Variants in EVC2 observed in about 807,000 individuals in gnomAD.
EVC2 encodes the protein limbin.
EVC2 carries 148 observed loss-of-function variants against 149.3 expected under a neutral mutation model. That is an observed-to-expected ratio of 0.99 (90% CI 0.87 to 1.14). The LOEUF (loss-of-function observed/expected upper bound fraction) is 1.14, where lower values mean the gene tolerates loss of function less well. Ranked by LOEUF, EVC2 falls within the 50% of genes most tolerant of loss-of-function variation. EVC2 has a pLI of 0.00. For missense variants in EVC2, 1,854 were observed against 1,627.3 expected (o/e 1.14, Z -2.40); for synonymous variants, 776 against 649.9 (o/e 1.19, Z -2.95).
intron 7 of EVC2, among the ~76,000 whole-genome samples, chr4:5,672,722 G>A (rs1240655753): frequency 2.6e-5 from 4 of 152,146 alleles, no homozygotes; most frequent in Non-Finnish European, 4.4e-5. Flanking sequence ...ATCTGTACTC[G>A]AATGCTCACA....
Position 5,574,708 on chromosome 4 carries a change from T to G in EVC2, c.3337A>C (p.Thr1113Pro). 1 of 1,614,170 alleles carries G rather than the reference T, an allele frequency of 6.2e-7. No individual in the cohort carries two copies. Among genetic ancestry groups the G allele is most frequent in the Non-Finnish European group, 8.5e-7 (1 of 1,180,026 alleles). ...EDLLENMEADTFATLCSQELR... is the reference protein window; with the variant it reads ...EDLLENMEADPFATLCSQELR... ...ACCTGGCTGCACAGGGTTGCAAAGGTGTCTGCCTCCATGTTTTCCAACAAG... is the reference window on the plus strand; with the variant it reads ...ACCTGGCTGCACAGGGTTGCAAAGGGGTCTGCCTCCATGTTTTCCAACAAG... The change falls in exon 19 of 22, where the codon ACC becomes CCC. Residue 1113 changes from threonine (T) to proline (P), a missense_variant. Physicochemically the swap from Thr to Pro is conservative, Grantham distance 38. Coordinates refer to ENST00000344408, the MANE Select transcript of EVC2 (RefSeq NM_147127.5).
At chr4:5,595,904 G>A (rs978660408) in intron 16 of EVC2, among the ~76,000 whole-genome samples, 12 of 152,100 alleles carry the variant, frequency 7.9e-5, no homozygotes, top group Non-Finnish European at 1.3e-4. Context: ...ACAAAAAAAG[G>A]CAGGGGTTGC....
At chr4:5,590,911 A>C (rs1460451451) in intron 16 of EVC2, among the ~76,000 whole-genome samples, 1 of 152,232 alleles carries the variant, frequency 6.6e-6, no homozygotes, top group Non-Finnish European at 1.5e-5. Flanking sequence ...ACATGGCAGC[A>C]GCAAGAAGTG....
rs1471756731 is a variant in EVC2 at position 5,613,947 on chromosome 4, G to C, written c.2829+1475C>G. Among the ~76,000 whole-genome samples the C allele has an allele frequency of 1.3e-5, 2 of 152,102 alleles. No individual in the cohort carries two copies. Among genetic ancestry groups the C allele is most frequent in the Admixed American group, 1.3e-4 (2 of 15,266 alleles). Reference sequence around the variant, plus strand: ...GCGAGATCGTGCATTCGTGTTCTGAGAAATACACCGGCACTAAAATAAAAA... The same window carrying C: ...GCGAGATCGTGCATTCGTGTTCTGACAAATACACCGGCACTAAAATAAAAA... On this transcript the variant is annotated intron_variant, in intron 16 of 21. Coordinates refer to ENST00000344408, the MANE Select transcript of EVC2 (RefSeq NM_147127.5). This position sits in a 1 kb window ranked among gnomAD's most constrained non-coding sequence, Gnocchi z 4.6.
chr4:5,620,320 T>G (rs1401383279), intron 14 of EVC2, among the ~76,000 whole-genome samples: 3 of 152,204 alleles, frequency 2.0e-5, no homozygotes, highest in African/African-American at 7.2e-5. Context: ...ACATCGGCCC[T>G]GAGCACTCTT....
chr4:5,665,341 G>A (rs1219079304), intron 8 of EVC2, among the ~76,000 whole-genome samples, 174 bp downstream of exon 8: 2 of 152,044 alleles, frequency 1.3e-5, no homozygotes, highest in Non-Finnish European at 1.5e-5. Flanking sequence ...AAAGAATGAT[G>A]GGGATGCATC....
chr4:5,694,671 G>T (rs1434735945), intron 2 of EVC2, among the ~76,000 whole-genome samples, 170 bp from the exon 3 acceptor site: 2 of 152,208 alleles, frequency 1.3e-5, no homozygotes, highest in African/African-American at 4.8e-5. Flanking sequence ...AGGAAAATGA[G>T]ACATGCTCAC....
At chr4:5,543,091 G>A in exon 22 of EVC2, 1 of 1,257,474 alleles carries the variant, frequency 8.0e-7, no homozygotes, top group Non-Finnish European at 1.0e-6. Flanking sequence ...TCAGTCCGAG[G>A]TAACTCATCT....
chr4:5,689,685 T>G (rs1036366416), intron 4 of EVC2, among the ~76,000 whole-genome samples: 1 of 152,170 alleles, frequency 6.6e-6, no homozygotes, highest in Non-Finnish European at 1.5e-5. Flanking sequence ...AAGCAAACAA[T>G]GGCTCCTTGG....
intron 9 of EVC2, among the ~76,000 whole-genome samples, chr4:5,646,480 G>C (rs747908302): frequency 2.6e-5 from 4 of 151,938 alleles, no homozygotes; most frequent in East Asian, 1.9e-4. Flanking sequence ...ATTTCATTAG[G>C]GGTTTCAAAA....
chr4:5,689,404 G>C, intron 4 of EVC2, 61 bp from the exon 5 acceptor site: 1 of 1,569,884 alleles, frequency 6.4e-7, no homozygotes, highest in Non-Finnish European at 8.7e-7. Context: ...TCCTAAAATG[G>C]GGCATGAGCC....
chr4:5,623,254 A>C (rs532927262), intron 13 of EVC2, among the ~76,000 whole-genome samples: 1 of 152,090 alleles, frequency 6.6e-6, no homozygotes, highest in Non-Finnish European at 1.5e-5. Context: ...TTGTGCCTCA[A>C]GACACCCAAG....
chr4:5,596,325 C>CT (rs1713416430), intron 16 of EVC2, among the ~76,000 whole-genome samples: 1 of 152,162 alleles, frequency 6.6e-6, no homozygotes, highest in South Asian at 2.1e-4. Context: ...GGAAGTAAAG[C>CT]TCTCCTCAGC....
At chr4:5,543,104 G>T (rs1030883927) in exon 22 of EVC2, 2 of 1,285,184 alleles carry the variant, frequency 1.6e-6, no homozygotes, top group South Asian at 1.2e-5. Context: ...ACTCATCTAT[G>T]TTTGGGACAA....
In EVC2 at chr4:5,615,610, G is replaced by A. The variant is rs112863054; in HGVS notation, c.2707-66C>T. Reference sequence around the variant, plus strand: ...ACCAGCAAGTCCATGCAGCTCCCCCGAGGGCTTTGCAGGTCAAGAGAAGTT... The same window carrying A: ...ACCAGCAAGTCCATGCAGCTCCCCCAAGGGCTTTGCAGGTCAAGAGAAGTT... On this transcript the variant is annotated intron_variant, in intron 15 of 21. Coordinates refer to ENST00000344408, the MANE Select transcript of EVC2 (RefSeq NM_147127.5). The A allele has an allele frequency of 0.018, 28,476 of 1,611,932 alleles. 305 individuals are homozygous for A. The highest frequency in any genetic ancestry group is 0.02 in the South Asian group (1,858 of 90,964).
rs74656681 is a variant in EVC2, at chr4:5,636,280, A to G, written c.1470+4234T>C. On this transcript the variant is annotated intron_variant, in intron 10 of 21. Transcript: ENST00000344408. This position sits in a 1 kb window ranked among gnomAD's most constrained non-coding sequence, Gnocchi z 4.6. The stretch of plus-strand genomic sequence containing the variant: ...TCAATGGAGAAATGCTTTGAGAACT[A>G]TAAGGCATTATATACGCATTTAAAT... Among the ~76,000 whole-genome samples the G allele has an allele frequency of 1.3e-5, 2 of 152,328 alleles. No homozygotes were observed. The highest frequency in any genetic ancestry group is 1.9e-4 in the East Asian group (1 of 5,174).
chr4:5,692,873 C>CAAAAA (rs1162271018), intron 3 of EVC2, among the ~76,000 whole-genome samples: 6 of 37,198 alleles, frequency 1.6e-4, no homozygotes, highest in African/African-American at 2.8e-4. Flanking sequence ...GACTCCGTCT[C>CAAAAA]AAAAAAAAAA....
chr4:5,671,051 T>C (rs1387650002), intron 7 of EVC2, among the ~76,000 whole-genome samples: 1 of 152,256 alleles, frequency 6.6e-6, no homozygotes, highest in Non-Finnish European at 1.5e-5. Context: ...ATGCAGATAC[T>C]AAGCACCAGG....
Position 5,592,644 on chromosome 4 carries a change from G to C in EVC2, c.2830-7794C>G, listed in dbSNP as rs192033118. 2.1e-3 allele frequency among the ~76,000 whole-genome samples: 326 copies of C among 152,320 alleles called. 2 individuals carry two copies. Among genetic ancestry groups the C allele is most frequent in the African/African-American group, 7.5e-3 (310 of 41,578 alleles). On this transcript the variant is annotated intron_variant, in intron 16 of 21. Coordinates refer to ENST00000344408, the MANE Select transcript of EVC2 (RefSeq NM_147127.5). ...CTTCCCGATAAGAACTCAGGAGTTG[G>C]GCAAGTGGGCTCGCACATGTGCATT... is the stretch of plus-strand genomic sequence containing the variant.
Sources: gnomAD v4.1 joint callset for allele counts (sites outside exome capture counted in the v4.1 genomes callset) on GRCh38, gnomAD v4.1.1 for gene constraint, Gnocchi (gnomAD v3.1) non-coding constraint, MANE v1.5 for transcripts, NCBI Gene and HGNC (gene_info 2026-07-23, HGNC 2026-07-21) for gene names.